The following LDB2 variants were observed in gnomAD, a reference collection of about 807,000 sequenced individuals.
LDB2 encodes the protein LIM domain-binding protein 2.
Under a neutral mutation model 44.3 loss-of-function variants are expected in LDB2, and 12 were observed. That is an observed-to-expected ratio of 0.27 (90% CI 0.17 to 0.44). The LOEUF (loss-of-function observed/expected upper bound fraction) is 0.44. Among genes scored for constraint, LDB2 ranks in the 20% least tolerant of loss-of-function variants. The probability of loss-of-function intolerance (pLI) is 1.00; values close to 1 mark genes in which losing one functional copy is unlikely to be tolerated. For synonymous variants in LDB2, 164 were observed against 174.8 expected, an observed-to-expected ratio of 0.94 and a Z score of 0.49; for missense variants, 344 against 473.5, an observed-to-expected ratio of 0.73 and a Z score of 2.54.
At chr4:16,884,094 G>A (rs1018257720) in intron 1 of LDB2, among the ~76,000 whole-genome samples, 2 of 152,140 alleles carry the variant, frequency 1.3e-5, no homozygotes, top group Admixed American at 1.3e-4. Context: ...GGATCAGAGT[G>A]TTCTTGCTCA....
In LDB2 at chr4:16,855,868, G is replaced by A. The variant is rs555868083; in HGVS notation, c.132+42486C>T. ...CATGTTATTATAAATTCATGAGTGG[G>A]TAAAATATCCATTCAAAGTGCAAGA... On this transcript the variant is annotated intron_variant, in intron 1 of 7. Coordinates refer to ENST00000304523, the MANE Select transcript of LDB2 (RefSeq NM_001290.5). Among the ~76,000 whole-genome samples, 174 of 152,172 alleles carry A rather than the reference G, an allele frequency of 1.1e-3. 1 individual carries two copies. Among genetic ancestry groups the A allele is most frequent in the African/African-American group, 3.9e-3 (164 of 41,534 alleles).
intron 5 of LDB2, among the ~76,000 whole-genome samples, chr4:16,578,831 G>T (rs1712995066): frequency 6.6e-6 from 1 of 152,078 alleles, no homozygotes; most frequent in Non-Finnish European, 1.5e-5. Context: ...AGAAAATATG[G>T]CACATATACA....
chr4:16,698,928 GAA>G (rs1284416327), intron 2 of LDB2, among the ~76,000 whole-genome samples: 1 of 152,144 alleles, frequency 6.6e-6, no homozygotes, highest in Non-Finnish European at 1.5e-5. Flanking sequence ...AGAAAATAAG[GAA>G]AAGTTTTGAA....
At chr4:16,800,531 C>T (rs1231957577) in intron 1 of LDB2, among the ~76,000 whole-genome samples, 1 of 152,044 alleles carries the variant, frequency 6.6e-6, no homozygotes, top group Non-Finnish European at 1.5e-5. Context: ...AACAATCATC[C>T]GTTGACAGTT....
intron 1 of LDB2, among the ~76,000 whole-genome samples, chr4:16,864,911 AG>A (rs1354249033): frequency 3.3e-5 from 5 of 149,700 alleles, no homozygotes; most frequent in African/African-American, 1.2e-4. Flanking sequence ...GGCAAAAGAG[AG>A]AAAAATCCAT....
At chr4:16,600,984 G>T (rs906961988) in intron 2 of LDB2, among the ~76,000 whole-genome samples, 7 of 151,822 alleles carry the variant, frequency 4.6e-5, no homozygotes, top group South Asian at 2.1e-4. Flanking sequence ...ATTATGAAAT[G>T]CATTAAAAAA....
At chr4:16,881,597 T>G (rs913535008) in intron 1 of LDB2, among the ~76,000 whole-genome samples, 8 of 132,584 alleles carry the variant, frequency 6.0e-5, no homozygotes, top group South Asian at 2.6e-4. Context: ...GAGGGGAATT[T>G]GGGCCTTTTT....
intron 2 of LDB2, among the ~76,000 whole-genome samples, chr4:16,715,751 C>A (rs950366623): frequency 6.6e-6 from 1 of 152,090 alleles, no homozygotes; most frequent in East Asian, 1.9e-4. Flanking sequence ...AGAGGATCTC[C>A]TCAACTTAAT....
At position 16,662,447 on chromosome 4, in the gene LDB2, G is replaced by A. The variant is rs373947275; in HGVS notation, c.236-66572C>T. ...TCCACCCTCCCCTACACAGTGCCTT[G>A]CAAAATTAATATTTGGTAAAAATAT... On this transcript the variant is annotated intron_variant, in intron 2 of 7. Transcript: ENST00000304523. 4.8e-4 allele frequency among the ~76,000 whole-genome samples: 73 copies of A among 152,222 alleles called. No individual in the cohort carries two copies. The South Asian group carries it at 0.015, about 31-fold the overall frequency.
At chr4:16,874,098 T>C (rs1198421997) in intron 1 of LDB2, among the ~76,000 whole-genome samples, 3 of 152,220 alleles carry the variant, frequency 2.0e-5, no homozygotes, top group South Asian at 4.2e-4. Context: ...TTACGAACAA[T>C]GATAGCATCA....
chr4:16,680,648 A>G (rs1449316161), intron 2 of LDB2, among the ~76,000 whole-genome samples: 2 of 152,194 alleles, frequency 1.3e-5, no homozygotes, highest in African/African-American at 4.8e-5. Context: ...GTAAGTATAG[A>G]AGCATGGGTT....
chr4:16,799,159 TG>T (rs1397392719), intron 1 of LDB2, among the ~76,000 whole-genome samples: 4 of 152,172 alleles, frequency 2.6e-5, no homozygotes, highest in African/African-American at 9.7e-5. Flanking sequence ...GGCTCGTGAC[TG>T]GGGTTTTCAT....
chr4:16,512,918 T>C (rs984312483), intron 5 of LDB2, among the ~76,000 whole-genome samples: 2 of 152,158 alleles, frequency 1.3e-5, no homozygotes, highest in African/African-American at 2.4e-5. Context: ...TCCTTCTCAA[T>C]TGGAAGCTCA....
chr4:16,614,991 A>C (rs1578217669), intron 2 of LDB2, among the ~76,000 whole-genome samples: 1 of 140,522 alleles, frequency 7.1e-6, no homozygotes. Flanking sequence ...AATGGCGTGA[A>C]CCCGGGAGGT....
chr4:16,545,321 C>T (rs1456482951), intron 5 of LDB2, among the ~76,000 whole-genome samples: 1 of 152,060 alleles, frequency 6.6e-6, no homozygotes, highest in Admixed American at 6.6e-5. Flanking sequence ...CTTGGGTTTC[C>T]TCCTGATACC....
chr4:16,549,018 G>C (rs1736751488), intron 5 of LDB2, among the ~76,000 whole-genome samples: 1 of 152,200 alleles, frequency 6.6e-6, no homozygotes, highest in Non-Finnish European at 1.5e-5. Context: ...GGAGTACAAA[G>C]AAAGATTTTA....
At chr4:16,512,881 T>G (rs1229635459) in intron 5 of LDB2, among the ~76,000 whole-genome samples, 1 of 152,158 alleles carries the variant, frequency 6.6e-6, no homozygotes, top group Admixed American at 6.5e-5. Context: ...ATAAAACCAT[T>G]TAGGATTGCC....
chr4:16,825,358 G>C (rs1782856388), intron 1 of LDB2, among the ~76,000 whole-genome samples: 1 of 152,106 alleles, frequency 6.6e-6, no homozygotes, highest in Non-Finnish European at 1.5e-5. Context: ...CCAGGTTAAT[G>C]ACCCAGAGAA....
rs143391798 is a variant in LDB2, at chr4:16,863,436, A to C, written c.132+34918T>G. ...TCTTTACTTATCACCTCCAGCACCA[A>C]GGGATTGTGGTGCAAGTGGGGAGCA... On this transcript the variant is annotated intron_variant, in intron 1 of 7. Transcript: ENST00000304523. Among the ~76,000 whole-genome samples the C allele has an allele frequency of 5.9e-5, 9 of 152,276 alleles. No individual in the cohort carries two copies. In the East Asian group the frequency reaches 1.7e-3, roughly 29 times the overall value.
Sources: allele counts gnomAD v4.1 joint callset (sites outside exome capture counted in the v4.1 genomes callset), GRCh38; gene constraint gnomAD v4.1.1; transcripts MANE v1.5; gene names NCBI Gene and HGNC (gene_info 2026-07-23, HGNC 2026-07-21).